Variants in PHLDB2 observed in about 807,000 individuals in gnomAD.
PHLDB2 encodes pleckstrin homology-like domain family B member 2.
Under a neutral mutation model 123.6 loss-of-function variants are expected in PHLDB2, and 71 were observed. The ratio of observed to expected loss-of-function variants is 0.57; its 90% CI spans 0.47 to 0.70. The LOEUF (loss-of-function observed/expected upper bound fraction) is 0.70, where lower values mean the gene tolerates loss of function less well. PHLDB2 is among the 30% of genes least tolerant of loss of function. PHLDB2 has a pLI of 0.00. For missense variants in PHLDB2, 1,446 were observed against 1,519.5 expected (o/e 0.95, Z 0.80); for synonymous variants, 547 against 541.6 (o/e 1.01, Z -0.14).
chr3:111,934,489 A>C (rs187724667), intron 6 of PHLDB2, among the ~76,000 whole-genome samples: 4 of 152,376 alleles, frequency 2.6e-5, no homozygotes, highest in Admixed American at 2.6e-4. Context: ...ACACAAAGTA[A>C]AAAATAAAAG....
Position 111,937,502 on chromosome 3 carries a change from G to A in PHLDB2, c.2131-1973G>A, listed in dbSNP as rs571538793. On this transcript the variant is annotated intron_variant, in intron 6 of 17. Coordinates refer to ENST00000431670, the MANE Select transcript of PHLDB2 (RefSeq NM_001134438.2). The stretch of plus-strand genomic sequence containing the variant: ...TATAAAAAATCTGGCTGGGTGTGGT[G>A]GCTTACACCTATAATCCCAGGTGAG... 2.0e-5 allele frequency among the ~76,000 whole-genome samples: 3 copies of A among 152,260 alleles called. No homozygotes were observed. The South Asian group carries it at 6.2e-4, about 32-fold the overall frequency.
chr3:111,803,804 A>G (rs938496886), intron 1 of PHLDB2, among the ~76,000 whole-genome samples: 3 of 152,268 alleles, frequency 2.0e-5, no homozygotes, highest in Non-Finnish European at 4.4e-5. Context: ...AAAGTGAGAT[A>G]AAGAATGAAA....
chr3:111,878,975 T>A (rs1440899619), intron 1 of PHLDB2, among the ~76,000 whole-genome samples: 1 of 152,236 alleles, frequency 6.6e-6, no homozygotes, highest in East Asian at 1.9e-4. Flanking sequence ...TGAAGATTTT[T>A]GCATTGATGT....
chr3:111,777,894 T>C (rs369406191), intron 1 of PHLDB2, among the ~76,000 whole-genome samples: 3 of 120,146 alleles, frequency 2.5e-5, no homozygotes, highest in African/African-American at 9.7e-5. Flanking sequence ...TTACATATTC[T>C]TCTACATCAT....
chr3:111,920,435 A>G lies in PHLDB2; in HGVS notation c.2001+16A>G, dbSNP rs1232517668. Reference sequence around the variant, plus strand: ...AAAGACCAAGGTAAAAGAAAATTATATTTCAATGCAGTTTTTATGGGCAAA... The same window carrying G: ...AAAGACCAAGGTAAAAGAAAATTATGTTTCAATGCAGTTTTTATGGGCAAA... On this transcript the variant is annotated intron_variant, in intron 5 of 17. Transcript: ENST00000431670. The G allele has an allele frequency of 2.5e-6, 4 of 1,609,650 alleles. No homozygotes were observed. Among genetic ancestry groups the G allele is most frequent in the South Asian group, 1.1e-5 (1 of 90,024 alleles).
At chr3:111,874,344 C>G (rs2065494184) in intron 1 of PHLDB2, among the ~76,000 whole-genome samples, 1 of 152,152 alleles carries the variant, frequency 6.6e-6, no homozygotes, top group East Asian at 1.9e-4. Context: ...TCCCTTTGTA[C>G]TCTAAGCTAT....
chr3:111,827,684 T>TC (rs2062730702), intron 1 of PHLDB2, among the ~76,000 whole-genome samples: 1 of 45,054 alleles, frequency 2.2e-5, no homozygotes, highest in African/African-American at 1.3e-4. Flanking sequence ...AGAATCCGTC[T>TC]CAAAAAAAAA....
intron 1 of PHLDB2, among the ~76,000 whole-genome samples, chr3:111,764,573 G>T (rs1177691559): frequency 6.6e-6 from 1 of 151,886 alleles, no homozygotes; most frequent in Non-Finnish European, 1.5e-5. Flanking sequence ...TTCATAAAGG[G>T]AACTATGATA....
At chr3:111,787,721 T>C (rs1263695354) in intron 1 of PHLDB2, among the ~76,000 whole-genome samples, 6 of 152,108 alleles carry the variant, frequency 3.9e-5, no homozygotes, top group Non-Finnish European at 8.8e-5. Context: ...ACATGGGAGA[T>C]AGGGGAGGCA....
At chr3:111,753,176 G>C (rs1157455685) in intron 1 of PHLDB2, among the ~76,000 whole-genome samples, 7 of 149,864 alleles carry the variant, frequency 4.7e-5, no homozygotes, top group African/African-American at 1.7e-4. Flanking sequence ...TAATGGGATG[G>C]CTGGGTCAAA....
chr3:111,815,813 T>C (rs2062048617), intron 1 of PHLDB2, among the ~76,000 whole-genome samples: 1 of 152,126 alleles, frequency 6.6e-6, no homozygotes, highest in Non-Finnish European at 1.5e-5. Context: ...CCCAAGACAA[T>C]GGGGACAATG....
intron 1 of PHLDB2, among the ~76,000 whole-genome samples, chr3:111,766,269 C>T (rs1036930401): frequency 2.0e-5 from 3 of 147,058 alleles, no homozygotes; most frequent in East Asian, 2.0e-4. Flanking sequence ...GGTAAAACTC[C>T]GTCTCTACAA....
At chr3:111,908,319 TC>T (rs1244122178) in intron 2 of PHLDB2, among the ~76,000 whole-genome samples, 13 of 152,270 alleles carry the variant, frequency 8.5e-5, no homozygotes, top group Admixed American at 5.9e-4. Flanking sequence ...GATCCCTGAG[TC>T]CCTCATCTCT....
intron 1 of PHLDB2, among the ~76,000 whole-genome samples, chr3:111,809,509 C>A (rs750704891): frequency 5.3e-5 from 8 of 152,144 alleles, no homozygotes; most frequent in Non-Finnish European, 1.0e-4. Flanking sequence ...TTCTTTTCTC[C>A]ACAAACACCC....
chr3:111,917,626 T>G (rs531860414), intron 3 of PHLDB2: 1 of 152,352 alleles, frequency 6.6e-6, no homozygotes, highest in South Asian at 2.1e-4. Context: ...TGATAAGATA[T>G]TTCATGTAAG....
chr3:111,751,161 A>C (rs981028075), intron 1 of PHLDB2, among the ~76,000 whole-genome samples: 1 of 140,812 alleles, frequency 7.1e-6, no homozygotes, highest in African/African-American at 2.7e-5. Context: ...CAGAAAGGAG[A>C]CAATGGGGTG....
In PHLDB2 at chr3:111,885,403, G is replaced by A; in HGVS notation, c.1326G>A (p.Met442Ile). ...QREERLREQEMERLERQRLET... is the reference protein window; with the variant it reads ...QREERLREQEIERLERQRLET... ...AGGAAAGACTCAGGGAGCAGGAAAT[G>A]GAGCGATTGGTAATCTTCATCTCAA... The change falls in exon 2 of 18, where the codon ATG becomes ATA. Residue 442 changes from methionine (M) to isoleucine (I), a missense_variant. Transcript: ENST00000431670. 1 of 1,614,114 alleles carries A rather than the reference G, an allele frequency of 6.2e-7. No individual in the cohort carries two copies. The highest frequency in any genetic ancestry group is 8.5e-7 in the Non-Finnish European group (1 of 1,180,034).
At chr3:111,883,371 T>C (rs765986848) in intron 1 of PHLDB2, among the ~76,000 whole-genome samples, 162 of 152,326 alleles carry the variant, frequency 1.1e-3, no homozygotes, top group African/African-American at 3.8e-3. Context: ...CATAGTGCAT[T>C]TGGGGTACTA....
chr3:111,784,715 A>G (rs902062190), intron 1 of PHLDB2, among the ~76,000 whole-genome samples: 26 of 152,180 alleles, frequency 1.7e-4, no homozygotes, highest in African/African-American at 5.8e-4. Context: ...TAGCACACAT[A>G]TGCAATATAC....
Sources: allele counts gnomAD v4.1 joint callset (sites outside exome capture counted in the v4.1 genomes callset), GRCh38; gene constraint gnomAD v4.1.1; transcripts MANE v1.5; gene names NCBI Gene and HGNC (gene_info 2026-07-23, HGNC 2026-07-21).